Variants in FBH1 observed in about 807,000 individuals in gnomAD.
FBH1 encodes DNA 3'-5' helicase 1.
In FBH1, 43 loss-of-function variants were observed where a neutral mutation model predicts 115.5. That is an observed-to-expected ratio of 0.37 (90% CI 0.29 to 0.48). The LOEUF (loss-of-function observed/expected upper bound fraction) is 0.48, where lower values mean the gene tolerates loss of function less well. FBH1 is among the 20% of genes least tolerant of loss of function. The pLI is 0.99. For synonymous variants in FBH1, 524 were observed against 507.8 expected, an observed-to-expected ratio of 1.03 and a Z score of -0.43; for missense variants, 1,001 against 1,337.3, an observed-to-expected ratio of 0.75 and a Z score of 3.92.
In FBH1 at chr10:5,923,952, C is replaced by T. The variant is rs1832464829; in HGVS notation, c.2398+256C>T. 1 of 563,854 alleles carries T rather than the reference C, an allele frequency of 1.8e-6. No individual in the cohort carries two copies. The highest frequency in any genetic ancestry group is 2.9e-5 in the East Asian group (1 of 33,934). 34.9% of individuals were successfully genotyped at this position (563,854 alleles called of 1,614,324 possible). The stretch of plus-strand genomic sequence containing the variant: ...CCCATAGACTGTCTTCCCCTGCATC[C>T]TTCTGTCTGCCTGGGCCAATTTATA... On this transcript the variant is annotated intron_variant, in intron 16 of 20. Transcript: ENST00000362091. This position sits in a 1 kb window ranked among gnomAD's most constrained non-coding sequence, Gnocchi z 5.7.
Position 5,900,591 on chromosome 10 carries a change from T to G in FBH1, c.2-2429T>G, listed in dbSNP as rs1414315756. ...TTCCAGCGTCCTTTCAGAGGGGCTC[T>G]CAGAACTGCTTTTGTTTGTAGAATT... On this transcript the variant is annotated intron_variant, in intron 1 of 20. Coordinates refer to ENST00000362091, the MANE Select transcript of FBH1 (RefSeq NM_178150.3). The surrounding 1 kb of genome is among the most constrained non-coding windows in gnomAD (Gnocchi z 4.2). Among the ~76,000 whole-genome samples the G allele has an allele frequency of 6.6e-6, 1 of 152,248 alleles. No individual in the cohort carries two copies. Among genetic ancestry groups the G allele is most frequent in the Non-Finnish European group, 1.5e-5 (1 of 68,044 alleles).
chr10:5,937,534 AT>A lies in FBH1; in HGVS notation c.*257del. The A allele has an allele frequency of 6.4e-6, 2 of 312,068 alleles. No individual in the cohort carries two copies. Among genetic ancestry groups the A allele is most frequent in the East Asian group, 1.1e-4 (2 of 18,478 alleles). 19.3% of individuals were successfully genotyped at this position (312,068 alleles called of 1,614,324 possible). A position where few individuals can be genotyped will look rare whatever the true frequency, so the allele number is the denominator to read the frequency against. ...TCTTTTGATAAAAAAAAAAAAAAAA[AT>A]TTATGTATTTAAACTTTTATTACAA... On this transcript the variant is annotated 3_prime_UTR_variant, in exon 21 of 21. Coordinates refer to ENST00000362091, the MANE Select transcript of FBH1 (RefSeq NM_178150.3).
At position 5,933,926 on chromosome 10, in the gene FBH1, A is replaced by G. The variant is rs1833137260; in HGVS notation, c.2830-2530A>G. ...CTCGGCCTCCCAAAGTGTTGGGATT[A>G]TAGGCGTGAGCCACCATGTCCAGCC... is the stretch of plus-strand genomic sequence containing the variant. On this transcript the variant is annotated intron_variant, in intron 19 of 20. Coordinates refer to ENST00000362091, the MANE Select transcript of FBH1 (RefSeq NM_178150.3). The surrounding 1 kb of genome is among the most constrained non-coding windows in gnomAD (Gnocchi z 4.9). Among the ~76,000 whole-genome samples the G allele has an allele frequency of 6.6e-6, 1 of 152,198 alleles. No individual in the cohort carries two copies. Among genetic ancestry groups the G allele is most frequent in the African/African-American group, 2.4e-5 (1 of 41,446 alleles).
Position 5,914,325 on chromosome 10 carries a change from C to A in FBH1, c.1396+56C>A, listed in dbSNP as rs544992261. 4.6e-4 allele frequency: 664 copies of A among 1,442,938 alleles called. 10 individuals are homozygous for A. The South Asian group carries it at 7.2e-3, about 16-fold the overall frequency. The allele number at this position is 1,442,938 out of a possible 1,614,324, so 89.4% of individuals were successfully genotyped here. Reference sequence around the variant, plus strand: ...GGTGGTTTTCTGCCTTTTCTCCCTACATCCCCTTCCCGCTACCTGCCAGGG... The same window carrying A: ...GGTGGTTTTCTGCCTTTTCTCCCTAAATCCCCTTCCCGCTACCTGCCAGGG... On this transcript the variant is annotated intron_variant, in intron 8 of 20. Coordinates refer to ENST00000362091, the MANE Select transcript of FBH1 (RefSeq NM_178150.3). The surrounding 1 kb of genome is among the most constrained non-coding windows in gnomAD (Gnocchi z 5.2).
chr10:5,918,230 G>A lies in FBH1; in HGVS notation c.1964-112G>A, dbSNP rs555247613. On this transcript the variant is annotated intron_variant, in intron 12 of 20. Coordinates refer to ENST00000362091, the MANE Select transcript of FBH1 (RefSeq NM_178150.3). This position sits in a 1 kb window ranked among gnomAD's most constrained non-coding sequence, Gnocchi z 4.0. ...GCCTGTCCTACAGGAAAAGGCGACC[G>A]TGAGGTCCAGTGTGCCCTGGCTTAG... is the stretch of plus-strand genomic sequence containing the variant. The A allele has an allele frequency of 3.0e-5, 40 of 1,321,450 alleles. No individual in the cohort carries two copies. Among genetic ancestry groups the A allele is most frequent in the East Asian group, 1.5e-4 (6 of 41,260 alleles). 81.9% of individuals were successfully genotyped at this position (1,321,450 alleles called of 1,614,324 possible).
intron 3 of FBH1, among the ~76,000 whole-genome samples, chr10:5,907,939 C>T (rs547800976): frequency 1.3e-5 from 2 of 152,118 alleles, no homozygotes. Flanking sequence ...GGTGATCTAT[C>T]CTGGAGAATG....
Position 5,914,188 on chromosome 10 carries a change from A to C in FBH1, c.1315A>C (p.Ile439Leu). The change falls in exon 8 of 21, where the codon ATC (isoleucine) becomes CTC (leucine). Residue 439 changes from isoleucine (I) to leucine (L), a missense_variant. Physicochemically the swap from Ile to Leu is conservative, Grantham distance 5. Coordinates refer to ENST00000362091, the MANE Select transcript of FBH1 (RefSeq NM_178150.3). This position sits in a 1 kb window ranked among gnomAD's most constrained non-coding sequence, Gnocchi z 5.2. Reference protein sequence around the residue: ...EPSVWPGKKTIQLTHEQQLIL... With the variant: ...EPSVWPGKKTLQLTHEQQLIL... ...TTGTAATGATTATAGCAAGAAAACC[A>C]TCCAACTTACACATGAACAACAGCT... 6.2e-7 allele frequency: 1 copy of C among 1,614,216 alleles called. No homozygotes were observed. The highest frequency in any genetic ancestry group is 8.5e-7 in the Non-Finnish European group (1 of 1,180,028).
Position 5,897,556 on chromosome 10 carries a change from A to G in FBH1, c.2-5464A>G, listed in dbSNP as rs1344263901. On this transcript the variant is annotated intron_variant, in intron 1 of 20. Transcript: ENST00000362091. This position sits in a 1 kb window ranked among gnomAD's most constrained non-coding sequence, Gnocchi z 4.7. Reference sequence around the variant, plus strand: ...AAGTCCAAGGGGTGGGGAATCCAATAAAAGTGTTAATAAAAATCCAATAAA... The same window carrying G: ...AAGTCCAAGGGGTGGGGAATCCAATGAAAGTGTTAATAAAAATCCAATAAA... 1.3e-5 allele frequency among the ~76,000 whole-genome samples: 2 copies of G among 152,188 alleles called. No individual in the cohort carries two copies. Among genetic ancestry groups the G allele is most frequent in the African/African-American group, 2.4e-5 (1 of 41,442 alleles).
intron 1 of FBH1, among the ~76,000 whole-genome samples, chr10:5,896,108 C>T (rs1842989148): frequency 6.6e-6 from 1 of 152,162 alleles, no homozygotes; most frequent in African/African-American, 2.4e-5. Flanking sequence ...TCTTGTTTCC[C>T]CCTTGTGCAC....
intron 19 of FBH1, chr10:5,929,352 C>T (rs978644874): frequency 6.6e-6 from 1 of 152,118 alleles, no homozygotes; most frequent in Non-Finnish European, 1.5e-5. Context: ...TTTTTCATGC[C>T]TCCTTTGTCA....
chr10:5,891,383 G>A (rs534209808), intron 1 of FBH1, among the ~76,000 whole-genome samples: 4 of 152,300 alleles, frequency 2.6e-5, no homozygotes, highest in East Asian at 1.9e-4. Context: ...AAAAAAGGAA[G>A]GCATAAAAGT....
At position 5,921,499 on chromosome 10, in the gene FBH1, A is replaced by G; in HGVS notation, c.2252A>G (p.Asn751Ser). 3.7e-6 allele frequency: 6 copies of G among 1,600,604 alleles called. No individual in the cohort carries two copies. Among genetic ancestry groups the G allele is most frequent in the South Asian group, 1.1e-5 (1 of 88,280 alleles). ...CAAGTGGCCTTGTTGTCCCGGACCA[A>G]CGCCAACGTGTTTGATGAGGCCGTA... ...KGQVALLSRTNANVFDEAVRV... is the reference protein window; with the variant it reads ...KGQVALLSRTSANVFDEAVRV... The change falls in exon 15 of 21, where the codon AAC becomes AGC. Residue 751 changes from asparagine (N) to serine (S), a missense_variant. This residue lies in a region of FBH1 where 521 missense variants were observed against 811.0 expected (regional missense o/e 0.64). Coordinates refer to ENST00000362091, the MANE Select transcript of FBH1 (RefSeq NM_178150.3). The surrounding 1 kb of genome is among the most constrained non-coding windows in gnomAD (Gnocchi z 6.4).
Position 5,925,478 on chromosome 10 carries a change from C to T in FBH1, c.2708C>T (p.Pro903Leu), listed in dbSNP as rs770061204. Reference protein sequence around the residue: ...PCARHNLPQLPHFRVESFSED... With the variant: ...PCARHNLPQLLHFRVESFSED... ...GCCCGGCATAACCTGCCCCAGCTTC[C>T]GCACTTCAGAGTTGGTAAGAGGCCG... The change falls in exon 18 of 21, where the codon CCG becomes CTG. Residue 903 changes from proline (P) to leucine (L), a missense_variant. Pro to Leu is a moderately conservative substitution (Grantham distance 98). This residue lies in a region of FBH1 where 521 missense variants were observed against 811.0 expected (regional missense o/e 0.64). Coordinates refer to ENST00000362091, the MANE Select transcript of FBH1 (RefSeq NM_178150.3). The surrounding 1 kb of genome is among the most constrained non-coding windows in gnomAD (Gnocchi z 4.6). 2.5e-6 allele frequency: 4 copies of T among 1,614,024 alleles called. No homozygotes were observed. The highest frequency in any genetic ancestry group is 3.4e-6 in the Non-Finnish European group (4 of 1,180,032).
rs778761932 is a variant in FBH1 at position 5,927,523 on chromosome 10, C to T, written c.2811C>T (p.Asn937=). Reference sequence around the variant, plus strand: ...TCATCATGACCAAATCATTGGAAAACATTTTGACTTTGGCTGGGGTAAGCA... The same window carrying T: ...TCATCATGACCAAATCATTGGAAAATATTTTGACTTTGGCTGGGGTAAGCA... ...KRLIMTKSLE[N]ILTLAGEYFL... The change falls in exon 19 of 21, where the codon AAC becomes AAT. Residue 937 remains asparagine, a synonymous_variant. Coordinates refer to ENST00000362091, the MANE Select transcript of FBH1 (RefSeq NM_178150.3). 4.3e-6 allele frequency: 7 copies of T among 1,612,904 alleles called. No homozygotes were observed. In the East Asian group the frequency reaches 1.3e-4, roughly 31 times the overall value.
rs1432430511 is a variant in FBH1 at position 5,917,591 on chromosome 10, C to A, written c.1878C>A (p.Gly626=). 22 of 1,614,136 alleles carry A rather than the reference C, an allele frequency of 1.4e-5. No individual in the cohort carries two copies. The highest frequency in any genetic ancestry group is 1.9e-5 in the Non-Finnish European group (22 of 1,180,004). ...TEEAHQMTHD[G]YLKLWQLSKP... is the part of the protein sequence containing the mutation. Reference sequence around the variant, plus strand: ...CTCCTGCGTCTCTCCTTATTTTAGGCTACTTGAAACTCTGGCAGCTGAGCA... The same window carrying A: ...CTCCTGCGTCTCTCCTTATTTTAGGATACTTGAAACTCTGGCAGCTGAGCA... Residue 626 remains glycine, a splice_region_variant and synonymous_variant, in exon 12 of 21, where the codon GGC becomes GGA. Coordinates refer to ENST00000362091, the MANE Select transcript of FBH1 (RefSeq NM_178150.3). The surrounding 1 kb of genome is among the most constrained non-coding windows in gnomAD (Gnocchi z 5.6).
chr10:5,917,424 G>C lies in FBH1; in HGVS notation c.1793G>C (p.Gly598Ala), dbSNP rs1832034965. The part of the protein sequence containing the change: ...VMVEQSEKLN[G>A]VLEASRLWDN... ...ACCATATGCTTTACTTCCTAGAATG[G>C]TGTCCTTGAAGCGAGCCGCCTCTGG... Residue 598 changes from glycine (G) to alanine (A), a missense_variant, in exon 11 of 21, where the codon GGT becomes GCT. Gly to Ala is a moderately conservative substitution (Grantham distance 60, BLOSUM62 0). Coordinates refer to ENST00000362091, the MANE Select transcript of FBH1 (RefSeq NM_178150.3). The surrounding 1 kb of genome is among the most constrained non-coding windows in gnomAD (Gnocchi z 5.6). 6.2e-7 allele frequency: 1 copy of C among 1,613,904 alleles called. No homozygotes were observed. The highest frequency in any genetic ancestry group is 1.3e-5 in the African/African-American group (1 of 74,928).
chr10:5,921,576 G>C lies in FBH1; in HGVS notation c.2322+7G>C. On this transcript the variant is annotated splice_region_variant and intron_variant, in intron 15 of 20. Coordinates refer to ENST00000362091, the MANE Select transcript of FBH1 (RefSeq NM_178150.3). This position sits in a 1 kb window ranked among gnomAD's most constrained non-coding sequence, Gnocchi z 6.4. ...AAGGATACATTTGATTGGGGTAAGA[G>C]TACATTTCTGTTGACCACTTCATGC... 1 of 1,591,874 alleles carries C rather than the reference G, an allele frequency of 6.3e-7. No homozygotes were observed. Among genetic ancestry groups the C allele is most frequent in the Non-Finnish European group, 8.5e-7 (1 of 1,174,878 alleles).
Position 5,924,741 on chromosome 10 carries a change from T to C in FBH1, c.2596+233T>C, listed in dbSNP as rs1161349991. The C allele has an allele frequency of 1.7e-6, 1 of 573,588 alleles. No homozygotes were observed. The highest frequency in any genetic ancestry group is 4.1e-5 in the East Asian group (1 of 24,444). The allele number at this position is 573,588 out of a possible 1,614,324, so 35.5% of individuals were successfully genotyped here. ...ACCACCAGCCCGGCTAGTTTGTGTA[T>C]TTTTTGTAGAGATGGAGTCTCACCA... is the stretch of plus-strand genomic sequence containing the variant. On this transcript the variant is annotated intron_variant, in intron 17 of 20. Transcript: ENST00000362091. This position sits in a 1 kb window ranked among gnomAD's most constrained non-coding sequence, Gnocchi z 6.2.
chr10:5,890,303 G>A lies in FBH1; in HGVS notation c.-43G>A. 1 of 375,654 alleles carries A rather than the reference G, an allele frequency of 2.7e-6. No individual in the cohort carries two copies. 23.3% of individuals were successfully genotyped at this position (375,654 alleles called of 1,614,324 possible). ...GCTGGGCTGAGCGGCCGGCGGCGCGGGCCCGGCGGCGGCGGCAGCGGGGTC... is the reference window on the plus strand; with the variant it reads ...GCTGGGCTGAGCGGCCGGCGGCGCGAGCCCGGCGGCGGCGGCAGCGGGGTC... On this transcript the variant is annotated 5_prime_UTR_variant, in exon 1 of 21. Transcript: ENST00000362091.
Sources: gnomAD v4.1 joint callset for allele counts (sites outside exome capture counted in the v4.1 genomes callset) on GRCh38, gnomAD v4.1.1 for gene constraint, gnomAD v4.1.1 regional missense constraint, Gnocchi (gnomAD v3.1) non-coding constraint, MANE v1.5 for transcripts, NCBI Gene and HGNC (gene_info 2026-07-23, HGNC 2026-07-21) for gene names.